Variants in MARK1 observed in about 807,000 individuals in gnomAD.
MARK1 encodes the protein serine/threonine-protein kinase MARK1.
MARK1 carries 40 observed loss-of-function variants against 96.3 expected under a neutral mutation model. The ratio of observed to expected loss-of-function variants is 0.42; its 90% CI spans 0.32 to 0.54. The LOEUF (loss-of-function observed/expected upper bound fraction) is 0.54, where lower values mean the gene tolerates loss of function less well. Ranked by LOEUF, MARK1 falls within the 20% of genes least tolerant of loss-of-function variation. The pLI, the probability that MARK1 is intolerant of heterozygous loss-of-function variation, is 0.16. For synonymous variants in MARK1, 317 were observed against 341.2 expected (o/e 0.93, Z 0.78); for missense variants, 719 against 984.6 (o/e 0.73, Z 3.61).
At chr1:220,620,432 C>T (rs1666991176) in intron 9 of MARK1, among the ~76,000 whole-genome samples, 1 of 152,052 alleles carries the variant, frequency 6.6e-6, no homozygotes, top group South Asian at 2.1e-4. Context: ...ATCATAAGAA[C>T]CCCACTTGAC....
intron 6 of MARK1, among the ~76,000 whole-genome samples, chr1:220,615,396 T>C (rs111337668): frequency 4.9e-4 from 74 of 152,304 alleles, no homozygotes; most frequent in African/African-American, 1.7e-3. Flanking sequence ...TTTTTAAGGC[T>C]CAAACATTTT....
At chr1:220,570,171 C>T (rs1007945394) in intron 1 of MARK1, among the ~76,000 whole-genome samples, 3 of 151,962 alleles carry the variant, frequency 2.0e-5, no homozygotes, top group Non-Finnish European at 4.4e-5. Flanking sequence ...TGACACTGAA[C>T]CTGGCTTAGT....
chr1:220,592,180 T>C (rs745933601), intron 3 of MARK1, among the ~76,000 whole-genome samples: 1 of 150,314 alleles, frequency 6.7e-6, no homozygotes, highest in East Asian at 1.9e-4. Context: ...ACCAATGCAA[T>C]AGGGAAAAGG....
chr1:220,562,003 C>T (rs1245331985), intron 1 of MARK1, among the ~76,000 whole-genome samples: 2 of 152,122 alleles, frequency 1.3e-5, no homozygotes, highest in Non-Finnish European at 2.9e-5. Flanking sequence ...ATTTGGCAAT[C>T]TTACACTAAT....
intron 5 of MARK1, among the ~76,000 whole-genome samples, chr1:220,600,751 A>G (rs1452062908): frequency 6.6e-6 from 1 of 152,186 alleles, no homozygotes; most frequent in African/African-American, 2.4e-5. Flanking sequence ...TTAGTGTTGA[A>G]CTTACTATTG....
At chr1:220,602,126 A>G (rs970520023) in intron 5 of MARK1, among the ~76,000 whole-genome samples, 3 of 152,218 alleles carry the variant, frequency 2.0e-5, no homozygotes, top group Admixed American at 6.5e-5. Context: ...TACACTAGAA[A>G]GGTAATGTGA....
chr1:220,560,055 G>T (rs140448319), intron 1 of MARK1, among the ~76,000 whole-genome samples: 2,356 of 152,194 alleles, frequency 0.015, 33 homozygotes, highest in Middle Eastern at 0.044. Flanking sequence ...AAGGCAAAAG[G>T]TACCTCTTAC....
chr1:220,584,076 T>C (rs952954458), intron 3 of MARK1, among the ~76,000 whole-genome samples: 23 of 152,142 alleles, frequency 1.5e-4, no homozygotes, highest in African/African-American at 5.1e-4. Flanking sequence ...CTCAGAGATA[T>C]CACTAGTTTT....
At chr1:220,598,053 G>A (rs1247850479) in intron 3 of MARK1, among the ~76,000 whole-genome samples, 2 of 152,184 alleles carry the variant, frequency 1.3e-5, no homozygotes, top group East Asian at 3.9e-4. Flanking sequence ...GTTTTACTGT[G>A]TATAGTGTAT....
At chr1:220,658,432 G>A (rs796528939) in intron 17 of MARK1, among the ~76,000 whole-genome samples, 37 of 152,316 alleles carry the variant, frequency 2.4e-4, no homozygotes, top group African/African-American at 7.7e-4. Context: ...TTCAGGGGCC[G>A]AGGCAGGTGC....
intron 1 of MARK1, among the ~76,000 whole-genome samples, chr1:220,540,357 C>T (rs776837011): frequency 3.3e-5 from 5 of 151,990 alleles, no homozygotes; most frequent in Admixed American, 6.5e-5. Context: ...ATAAATTTTC[C>T]GTTTTTTTTC....
At position 220,601,209 on chromosome 1, in the gene MARK1, C is replaced by T. The variant is rs139904790; in HGVS notation, c.424+1346C>T. On this transcript the variant is annotated intron_variant, in intron 5 of 17. Coordinates refer to ENST00000366917, the MANE Select transcript of MARK1 (RefSeq NM_018650.5). ...CTGGGATTACAGGCATTAGCCACCG[C>T]GCCTGGCCTCATATTTCTAAAAAAC... Among the ~76,000 whole-genome samples the T allele has an allele frequency of 5.3e-3, 800 of 152,054 alleles. 1 individual carries two copies. The highest frequency in any genetic ancestry group is 8.1e-3 in the Non-Finnish European group (550 of 67,982).
chr1:220,656,454 A>T (rs1241984245), intron 16 of MARK1, among the ~76,000 whole-genome samples: 1 of 152,218 alleles, frequency 6.6e-6, no homozygotes, highest in Non-Finnish European at 1.5e-5. Context: ...AATAGGACAG[A>T]AAAGTCCAGT....
rs1307283965 is a variant in MARK1, at chr1:220,651,996, A to G, written c.1582A>G (p.Met528Val). The G allele has an allele frequency of 6.3e-7, 1 of 1,594,502 alleles. No homozygotes were observed. Among genetic ancestry groups the G allele is most frequent in the East Asian group, 2.2e-5 (1 of 44,518 alleles). Residue 528 changes from methionine (M) to valine (V), a missense_variant, in exon 15 of 18, where the codon ATG (methionine) becomes GTG (valine). Physicochemically the swap from Met to Val is conservative, Grantham distance 21 (BLOSUM62 1). Coordinates refer to ENST00000366917, the MANE Select transcript of MARK1 (RefSeq NM_018650.5). ...GCTTTATGGTGAAAGCCTTACGGAGATGTCTGTGAGTAGCATATCTTCTGC... is the reference window on the plus strand; with the variant it reads ...GCTTTATGGTGAAAGCCTTACGGAGGTGTCTGTGAGTAGCATATCTTCTGC... Reference protein sequence around the residue: ...QNGKDSSLTEMSVSSISSAGS... With the variant: ...QNGKDSSLTEVSVSSISSAGS...
At chr1:220,579,239 G>A in intron 1 of MARK1, 115 bp from the exon 2 acceptor site, 1 of 709,112 alleles carries the variant, frequency 1.4e-6, no homozygotes, top group East Asian at 2.7e-5. Flanking sequence ...TTAAAAGGAT[G>A]TAGTGCAATA....
rs73101859 is a variant in MARK1 at position 220,532,329 on chromosome 1, A to C, written c.51+3456A>C. Among the ~76,000 whole-genome samples, 565 of 152,300 alleles carry C rather than the reference A, an allele frequency of 3.7e-3. 6 individuals carry two copies. Among genetic ancestry groups the C allele is most frequent in the African/African-American group, 0.013 (534 of 41,552 alleles). Reference sequence around the variant, plus strand: ...AGCGAGAGGAAAGCATACCTTTGTCACTATCCTTGGATTTTCTGTGCATCC... The same window carrying C: ...AGCGAGAGGAAAGCATACCTTTGTCCCTATCCTTGGATTTTCTGTGCATCC... On this transcript the variant is annotated intron_variant, in intron 1 of 17. Transcript: ENST00000366917.
At chr1:220,607,937 G>C (rs1353446559) in intron 6 of MARK1, among the ~76,000 whole-genome samples, 1 of 152,180 alleles carries the variant, frequency 6.6e-6, no homozygotes, top group Admixed American at 6.5e-5. Flanking sequence ...CTTTTGATGT[G>C]CTGCTGGATT....
intron 9 of MARK1, among the ~76,000 whole-genome samples, chr1:220,623,178 G>A (rs1667135309): frequency 6.6e-6 from 1 of 152,050 alleles, no homozygotes; most frequent in South Asian, 2.1e-4. Flanking sequence ...TACCATGCCT[G>A]AGACCACCCA....
chr1:220,635,774 G>T, intron 12 of MARK1, 59 bp from the exon 13 acceptor site: 1 of 1,362,022 alleles, frequency 7.3e-7, no homozygotes, highest in South Asian at 1.5e-5. Flanking sequence ...TTTTGTTTGT[G>T]AGCAGAAAGT....
Sources: gnomAD v4.1 joint callset for allele counts (sites outside exome capture counted in the v4.1 genomes callset) on GRCh38, gnomAD v4.1.1 for gene constraint, MANE v1.5 for transcripts, NCBI Gene and HGNC (gene_info 2026-07-23, HGNC 2026-07-21) for gene names.